The following TMCO1 variants were observed in gnomAD, a reference collection of about 807,000 sequenced individuals.
The protein encoded by TMCO1 is calcium load-activated calcium channel.
Under a neutral mutation model 29.3 loss-of-function variants are expected in TMCO1, and 29 were observed. That is an observed-to-expected ratio of 0.99 (90% CI 0.74 to 1.35). TMCO1 has a LOEUF of 1.35. Among genes scored for constraint, TMCO1 ranks in the 40% most tolerant of loss-of-function variants. The pLI, the probability that TMCO1 is intolerant of heterozygous loss-of-function variation, is 0.00. For synonymous variants in TMCO1, 80 were observed against 77.1 expected, an observed-to-expected ratio of 1.04 and a Z score of -0.20; for missense variants, 173 against 225.5, an observed-to-expected ratio of 0.77 and a Z score of 1.49.
intron 2 of TMCO1, among the ~76,000 whole-genome samples, chr1:165,762,936 A>G (rs1652447045): frequency 6.6e-6 from 1 of 152,226 alleles, no homozygotes; most frequent in Non-Finnish European, 1.5e-5. Flanking sequence ...TAGTAACACA[A>G]TAAAAGAAGA....
Position 165,727,069 on chromosome 1 carries a change from T to C in TMCO1, c.*954A>G, listed in dbSNP as rs142042113. 25 of 454,072 alleles carry C rather than the reference T, an allele frequency of 5.5e-5. No homozygotes were observed. The highest frequency in any genetic ancestry group is 9.3e-5 in the Non-Finnish European group (21 of 226,790). The allele number at this position is 454,072 out of a possible 1,614,324, so 28.1% of individuals were successfully genotyped here. A position where few individuals can be genotyped will look rare whatever the true frequency, so the allele number is the denominator to read the frequency against. ...CACACAGGACTCCTAATTCCATAGA[T>C]TATGCGGGGAGGATCATGGTACAAA... On this transcript the variant is annotated 3_prime_UTR_variant, in exon 7 of 7. Transcript: ENST00000367881.
intron 3 of TMCO1, 22 bp from the exon 4 acceptor site, chr1:165,754,296 G>A (rs1369916094): frequency 6.3e-7 from 1 of 1,588,318 alleles, no homozygotes; most frequent in African/African-American, 1.3e-5. Context: ...TAATGAGATG[G>A]TTAATACATA....
intron 6 of TMCO1, among the ~76,000 whole-genome samples, chr1:165,735,123 G>A (rs1007544600): frequency 2.6e-5 from 4 of 152,084 alleles, no homozygotes; most frequent in South Asian, 2.1e-4. Flanking sequence ...CTGCGGTCAG[G>A]AGATTAAGTG....
At chr1:165,732,102 A>C (rs1040940019) in intron 6 of TMCO1, among the ~76,000 whole-genome samples, 89 of 152,314 alleles carry the variant, frequency 5.8e-4, no homozygotes, top group Non-Finnish European at 9.4e-4. Flanking sequence ...GTAGGAACTA[A>C]GTGATGGTCT....
At chr1:165,754,161 G>A in intron 4 of TMCO1, 67 bp downstream of exon 4, 1 of 1,348,822 alleles carries the variant, frequency 7.4e-7, no homozygotes, top group Non-Finnish European at 1.1e-6. Context: ...CAATGCACTT[G>A]ATGTAAATCA....
chr1:165,725,922 C>T, downstream of TMCO1: 1 of 631,586 alleles, frequency 1.6e-6, no homozygotes, highest in Non-Finnish European at 2.9e-6. Flanking sequence ...GTAATCTCTC[C>T]TTTTTAACTT....
At position 165,743,288 on chromosome 1, in the gene TMCO1, T is replaced by C; in HGVS notation, c.347A>G (p.Lys116Arg). 6.2e-7 allele frequency: 1 copy of C among 1,613,042 alleles called. No individual in the cohort carries two copies. The highest frequency in any genetic ancestry group is 8.5e-7 in the Non-Finnish European group (1 of 1,179,778). ...GTAAGAAAGAGGGGTAAAAGGAAGCTTTGCCACCACTCTACCATCAAATCT... is the reference window on the plus strand; with the variant it reads ...GTAAGAAAGAGGGGTAAAAGGAAGCCTTGCCACCACTCTACCATCAAATCT... ...NSIFDGRVVA[K>R]LPFTPLSYIQ... is the part of the protein sequence containing the mutation. Residue 116 changes from lysine (K) to arginine (R), a missense_variant, in exon 6 of 7, where the codon AAG (lysine) becomes AGG (arginine). By Grantham distance (26) the Lys-to-Arg change is conservative. Transcript: ENST00000367881.
downstream of TMCO1, chr1:165,724,314 T>C (rs1215529165): frequency 9.0e-6 from 4 of 446,666 alleles, no homozygotes; most frequent in Admixed American, 7.3e-5. Context: ...ACTTTTAATA[T>C]CTCATTAATT....
chr1:165,754,396 T>G, intron 3 of TMCO1, 122 bp from the exon 4 acceptor site: 7 of 752,850 alleles, frequency 9.3e-6, no homozygotes, highest in Non-Finnish European at 1.6e-5. Flanking sequence ...AATAAGATGA[T>G]GAAAACACCT....
In TMCO1 at chr1:165,743,176, C is replaced by A. The variant is rs370197616; in HGVS notation, c.459G>T (p.Ser153=). 8.7e-6 allele frequency: 14 copies of A among 1,613,934 alleles called. No individual in the cohort carries two copies. The South Asian group carries it at 1.1e-4, about 13-fold the overall frequency. Residue 153 remains serine, a synonymous_variant, in exon 6 of 7, where the codon TCG becomes TCT. Coordinates refer to ENST00000367881, the MANE Select transcript of TMCO1 (RefSeq NM_019026.6). ...FIFLYILCTM[S]IRQNIQKILG... ...AGATGTGATCACTCACCTGTCGAAT[C>A]GACATAGTACAGAGAATATACAGGA... is the stretch of plus-strand genomic sequence containing the variant.
intron 2 of TMCO1, among the ~76,000 whole-genome samples, chr1:165,763,873 T>C (rs1652482572): frequency 6.6e-6 from 1 of 152,196 alleles, no homozygotes; most frequent in Non-Finnish European, 1.5e-5. Context: ...ACAATCTACC[T>C]GCCTCAGCCT....
intron 3 of TMCO1, among the ~76,000 whole-genome samples, chr1:165,758,074 T>A (rs1360912830): frequency 1.3e-5 from 2 of 152,166 alleles, no homozygotes; most frequent in African/African-American, 4.8e-5. Context: ...CTGTCCCCCA[T>A]CATGCCACTG....
chr1:165,746,222 T>C (rs575674881), intron 5 of TMCO1, among the ~76,000 whole-genome samples: 266 of 151,372 alleles, frequency 1.8e-3, no homozygotes, highest in Admixed American at 3.2e-3. Flanking sequence ...GGCAGAAGAA[T>C]TGCTTGAATG....
At chr1:165,761,171 T>TTGTGTG (rs375747060) in intron 2 of TMCO1, among the ~76,000 whole-genome samples, 7 of 150,328 alleles carry the variant, frequency 4.7e-5, no homozygotes, top group South Asian at 2.1e-4. Flanking sequence ...TTTTGTGTAT[T>TTGTGTG]TGTGTGTGTG....
rs1383726534 is a variant in TMCO1 at position 165,727,415 on chromosome 1, G to C, written c.*608C>G. On this transcript the variant is annotated 3_prime_UTR_variant, in exon 7 of 7. Coordinates refer to ENST00000367881, the MANE Select transcript of TMCO1 (RefSeq NM_019026.6). ...CTACACCAAGACAACTCTGTATTTTGAGTATATGAGTCAAGTATGGCAAAA... is the reference window on the plus strand; with the variant it reads ...CTACACCAAGACAACTCTGTATTTTCAGTATATGAGTCAAGTATGGCAAAA... The C allele has an allele frequency of 4.4e-6, 2 of 453,536 alleles. No individual in the cohort carries two copies. Among genetic ancestry groups the C allele is most frequent in the Non-Finnish European group, 8.8e-6 (2 of 226,682 alleles). 28.1% of individuals were successfully genotyped at this position (453,536 alleles called of 1,614,324 possible). A position where few individuals can be genotyped will look rare whatever the true frequency, so the allele number is the denominator to read the frequency against.
Position 165,768,846 on chromosome 1 carries a change from C to T in TMCO1, c.-95G>A, listed in dbSNP as rs145109620. On this transcript the variant is annotated 5_prime_UTR_variant, in exon 1 of 7. It adds an upstream start codon to the 5' untranslated region. Transcript: ENST00000367881. ...AAAACGGCTTCCGTAGACTCCGCCACCACCGAGTAACAGACCAACTCTGAC... is the reference window on the plus strand; with the variant it reads ...AAAACGGCTTCCGTAGACTCCGCCATCACCGAGTAACAGACCAACTCTGAC... 3.8e-6 allele frequency: 6 copies of T among 1,583,852 alleles called. No individual in the cohort carries two copies. The African/African-American group carries it at 8.0e-5, about 21-fold the overall frequency.
chr1:165,745,342 C>T (rs1240513740), intron 5 of TMCO1, among the ~76,000 whole-genome samples: 1 of 149,898 alleles, frequency 6.7e-6, no homozygotes, highest in South Asian at 2.1e-4. Context: ...TTTTAGTATC[C>T]CTTATAGTCT....
chr1:165,746,453 TCACA>T lies in TMCO1; in HGVS notation c.324-3146_324-3143del, dbSNP rs59467463. ...ACTTCTATAGCTTGGAAGACCTATA[TCACA>T]CACACACACACACACACACACACAC... On this transcript the variant is annotated intron_variant, in intron 5 of 6. Coordinates refer to ENST00000367881, the MANE Select transcript of TMCO1 (RefSeq NM_019026.6). 8.8e-3 allele frequency among the ~76,000 whole-genome samples: 1,171 copies of T among 132,390 alleles called. 13 individuals are homozygous for T. Among genetic ancestry groups the T allele is most frequent in the Middle Eastern group, 0.025 (7 of 282 alleles). 86.9% of individuals were successfully genotyped at this position (132,390 alleles called of 152,430 possible). A position where few individuals can be genotyped will look rare whatever the true frequency, so the allele number is the denominator to read the frequency against.
intron 6 of TMCO1, among the ~76,000 whole-genome samples, chr1:165,729,300 A>G (rs948330073): frequency 6.8e-6 from 1 of 147,210 alleles, no homozygotes; most frequent in African/African-American, 2.5e-5. Flanking sequence ...TTTTAAAAAC[A>G]TACTTTGTTC....
Sources: allele counts gnomAD v4.1 joint callset (sites outside exome capture counted in the v4.1 genomes callset), GRCh38; gene constraint gnomAD v4.1.1; transcripts MANE v1.5; gene names NCBI Gene and HGNC (gene_info 2026-07-23, HGNC 2026-07-21).